SUMF1: variants seen among roughly 807,000 people sequenced by gnomAD.
SUMF1 encodes the protein formylglycine-generating enzyme.
SUMF1 carries 48 observed loss-of-function variants against 47.6 expected under a neutral mutation model. That is an observed-to-expected ratio of 1.01 (90% CI 0.80 to 1.28). The LOEUF is 1.28. SUMF1 is among the 50% of genes most tolerant of loss of function. The pLI, the probability that SUMF1 is intolerant of heterozygous loss-of-function variation, is 0.00. For missense variants in SUMF1, 571 were observed against 485.4 expected, an observed-to-expected ratio of 1.18 and a Z score of -1.66; for synonymous variants, 230 against 192.1, an observed-to-expected ratio of 1.20 and a Z score of -1.63.
At chr3:4,122,192 G>T (rs975824633) in intron 8 of SUMF1, among the ~76,000 whole-genome samples, 1 of 152,036 alleles carries the variant, frequency 6.6e-6, no homozygotes, top group African/African-American at 2.4e-5. Context: ...TAAGCAAAAG[G>T]TAGAAACAAC....
chr3:4,061,080 C>A (rs1205952916), intron 9 of SUMF1, among the ~76,000 whole-genome samples: 1 of 152,142 alleles, frequency 6.6e-6, no homozygotes, highest in Non-Finnish European at 1.5e-5. Context: ...AAACTTCAGA[C>A]AAATTAACTT....
At position 4,419,035 on chromosome 3, in the gene SUMF1, A is replaced by G. The variant is rs139927052; in HGVS notation, c.603-903T>C. ...AACAAACATCTACTGAGTACCTATC[A>G]TGTGCCAGTCACTGTTTCCAGCACA... On this transcript the variant is annotated intron_variant, in intron 4 of 8. Transcript: ENST00000272902. 9.9e-4 allele frequency among the ~76,000 whole-genome samples: 150 copies of G among 152,282 alleles called. 1 individual carries two copies. The highest frequency in any genetic ancestry group is 1.2e-3 in the Admixed American group (19 of 15,292).
At chr3:4,342,678 A>G (rs809437) in intron 8 of SUMF1, among the ~76,000 whole-genome samples, 118,717 of 152,172 alleles carry the variant, frequency 0.78, 46,847 homozygotes, top group African/African-American at 0.9. Flanking sequence ...GTGCAGTGAG[A>G]GTTCTACAAC....
At chr3:4,094,404 TAAGAC>T (rs1011281421) in intron 8 of SUMF1, among the ~76,000 whole-genome samples, 7 of 151,942 alleles carry the variant, frequency 4.6e-5, no homozygotes, top group African/African-American at 1.5e-4. Context: ...AAGCAACTAT[TAAGAC>T]AAGGTAGTAA....
chr3:4,195,634 T>A (rs1424187257), intron 8 of SUMF1, among the ~76,000 whole-genome samples: 1 of 152,160 alleles, frequency 6.6e-6, no homozygotes, highest in East Asian at 1.9e-4. Flanking sequence ...GAATTATGAA[T>A]AGGCAAGGAT....
At chr3:4,162,181 G>C (rs964797276) in intron 8 of SUMF1, among the ~76,000 whole-genome samples, 2 of 152,136 alleles carry the variant, frequency 1.3e-5, no homozygotes, top group Admixed American at 6.5e-5. Flanking sequence ...TGATATCCAA[G>C]TTGCAAGACA....
intron 8 of SUMF1, among the ~76,000 whole-genome samples, chr3:4,082,343 C>T (rs1292011164): frequency 6.6e-6 from 1 of 151,834 alleles, no homozygotes; most frequent in Non-Finnish European, 1.5e-5. Context: ...GGTGATGCAC[C>T]CTGTGGTCCC....
intron 8 of SUMF1, among the ~76,000 whole-genome samples, chr3:4,284,302 C>A (rs1486053444): frequency 6.6e-6 from 1 of 151,664 alleles, no homozygotes; most frequent in Non-Finnish European, 1.5e-5. Flanking sequence ...GTGCCAGCTA[C>A]CCGGGGGGCT....
At chr3:4,279,167 A>G (rs550141117) in intron 8 of SUMF1, among the ~76,000 whole-genome samples, 2 of 152,298 alleles carry the variant, frequency 1.3e-5, no homozygotes, top group South Asian at 4.1e-4. Flanking sequence ...CTAGTCTAAC[A>G]CCAGCCACTT....
At chr3:4,221,700 GGACA>G (rs758248708) in intron 8 of SUMF1, among the ~76,000 whole-genome samples, 4 of 152,024 alleles carry the variant, frequency 2.6e-5, no homozygotes, top group Non-Finnish European at 4.4e-5. Context: ...CTAGTGAATG[GGACA>G]GACACAGTCT....
chr3:4,240,214 T>C (rs1461324533), intron 8 of SUMF1, among the ~76,000 whole-genome samples: 3 of 152,192 alleles, frequency 2.0e-5, no homozygotes, highest in Admixed American at 6.5e-5. Flanking sequence ...ATCAGGGATA[T>C]TGTCCTGAAA....
intron 8 of SUMF1, among the ~76,000 whole-genome samples, chr3:4,139,298 G>A: frequency 6.6e-6 from 1 of 151,780 alleles, no homozygotes; most frequent in East Asian, 1.9e-4. Flanking sequence ...TATTATAAAT[G>A]AAAAGATCAA....
At chr3:4,456,458 T>TTTG (rs1208103405) in intron 1 of SUMF1, among the ~76,000 whole-genome samples, 1 of 148,980 alleles carries the variant, frequency 6.7e-6, no homozygotes, top group African/African-American at 2.5e-5. Flanking sequence ...TTCTTTGTTT[T>TTTG]TTTTTTTTTT....
intron 1 of SUMF1, among the ~76,000 whole-genome samples, chr3:4,462,357 G>A (rs913035019): frequency 5.3e-5 from 8 of 152,186 alleles, no homozygotes; most frequent in African/African-American, 1.9e-4. Flanking sequence ...TAGGAGAAGG[G>A]ACATTACCTG....
intron 8 of SUMF1, among the ~76,000 whole-genome samples, chr3:4,338,704 T>G (rs1306966593): frequency 6.6e-6 from 1 of 152,092 alleles, no homozygotes; most frequent in Non-Finnish European, 1.5e-5. Flanking sequence ...ATGTACTAGG[T>G]CTACCTAGTA....
chr3:4,408,521 C>G (rs1458183770), intron 7 of SUMF1, among the ~76,000 whole-genome samples: 1 of 152,112 alleles, frequency 6.6e-6, no homozygotes, highest in African/African-American at 2.4e-5. Flanking sequence ...CTTCAGAAGT[C>G]ATGTGCAAGA....
intron 3 of SUMF1, among the ~76,000 whole-genome samples, chr3:4,432,799 A>G (rs1016651899): frequency 6.6e-5 from 10 of 152,176 alleles, no homozygotes; most frequent in African/African-American, 2.4e-4. Flanking sequence ...AAGGATTTAG[A>G]TCTAGTTATC....
chr3:4,362,183 TC>T lies in SUMF1; in HGVS notation c.1085del (p.Gly362AspfsTer68). The part of the protein sequence containing the change: ...NTPDSSASNL[G>X]FRCAADRLPT... Reference sequence around the variant, plus strand: ...GCAGGCGGTCGGCTGCACAGCGGAATCCCAGATTCGAAGCAGAGCTATCAGG... The same window carrying T: ...GCAGGCGGTCGGCTGCACAGCGGAATCCAGATTCGAAGCAGAGCTATCAGG... On this transcript the variant is annotated frameshift_variant, in exon 9 of 9. Transcript: ENST00000272902. LOFTEE classifies it high-confidence loss of function. 6.2e-7 allele frequency: 1 copy of T among 1,614,162 alleles called. No individual in the cohort carries two copies. Among genetic ancestry groups the T allele is most frequent in the Non-Finnish European group, 8.5e-7 (1 of 1,180,002 alleles).
chr3:4,354,172 G>C (rs1370946350), intron 8 of SUMF1, among the ~76,000 whole-genome samples: 2 of 152,140 alleles, frequency 1.3e-5, no homozygotes, highest in Non-Finnish European at 2.9e-5. Flanking sequence ...TGATTTTTAA[G>C]TCTGGTAATT....
Sources: gnomAD v4.1 joint callset for allele counts (sites outside exome capture counted in the v4.1 genomes callset) on GRCh38, gnomAD v4.1.1 for gene constraint, MANE v1.5 for transcripts, NCBI Gene and HGNC (gene_info 2026-07-23, HGNC 2026-07-21) for gene names.